Variants in SEPTIN2 observed in about 807,000 individuals in gnomAD.
SEPTIN2 encodes septin-2.
SEPTIN2 carries 34 observed loss-of-function variants against 46.5 expected under a neutral mutation model. The observed-to-expected ratio is 0.73, with a 90% CI of 0.56 to 0.97. The LOEUF (loss-of-function observed/expected upper bound fraction) is 0.97, where lower values mean the gene tolerates loss of function less well. SEPTIN2 is among the 50% of genes least tolerant of loss of function. SEPTIN2 has a pLI of 0.00. For synonymous variants in SEPTIN2, 175 were observed against 153.4 expected (o/e 1.14, Z -1.04); for missense variants, 347 against 448.4 (o/e 0.77, Z 2.04).
chr2:241,315,587 G>C (rs2076047756), upstream of SEPTIN2: 1 of 152,218 alleles, frequency 6.6e-6, no homozygotes, highest in South Asian at 2.1e-4. Context: ...ACTCTTATAA[G>C]CATAAGAAAA....
At chr2:241,324,182 G>A (rs377300797) in intron 1 of SEPTIN2, 34 bp from the exon 2 acceptor site, 90 of 1,603,380 alleles carry the variant, frequency 5.6e-5, no homozygotes, top group Middle Eastern at 1.7e-4. Context: ...ATGTATGTGC[G>A]TTTATGTGTG....
intron 9 of SEPTIN2, 34 bp from the exon 10 acceptor site, chr2:241,346,129 CATG>C (rs1284448279): frequency 6.7e-7 from 1 of 1,496,250 alleles, no homozygotes; most frequent in Non-Finnish European, 9.3e-7. Context: ...ATGTCATGTG[CATG>C]ATGCCACCTT....
At chr2:241,322,052 G>T (rs2077205735) in intron 1 of SEPTIN2, among the ~76,000 whole-genome samples, 1 of 152,156 alleles carries the variant, frequency 6.6e-6, no homozygotes, top group Non-Finnish European at 1.5e-5. Context: ...TAACACTGGG[G>T]ATGCAGGGAT....
intron 3 of SEPTIN2, among the ~76,000 whole-genome samples, chr2:241,331,891 A>G (rs1207945353): frequency 2.0e-5 from 3 of 152,248 alleles, no homozygotes; most frequent in Non-Finnish European, 4.4e-5. Context: ...GCAACAGCCA[A>G]GAAGTAGACC....
intron 8 of SEPTIN2, among the ~76,000 whole-genome samples, chr2:241,343,393 G>A (rs1487455211): frequency 6.6e-6 from 1 of 151,994 alleles, no homozygotes; most frequent in African/African-American, 2.4e-5. Context: ...CAGCCACTCG[G>A]GAGGCTAAGG....
intron 4 of SEPTIN2, chr2:241,335,642 A>T: frequency 1.7e-6 from 1 of 574,382 alleles, no homozygotes; most frequent in Non-Finnish European, 3.1e-6. Flanking sequence ...GTGAGAGCCT[A>T]AGACTTGGGC....
At chr2:241,316,361 A>G in intron 1 of SEPTIN2, 1 of 771,474 alleles carries the variant, frequency 1.3e-6, no homozygotes, top group South Asian at 2.1e-5. Flanking sequence ...TTTAGGCCCG[A>G]CAAACACTTA....
At chr2:241,343,606 T>C (rs2081558592) in intron 8 of SEPTIN2, 146 bp from the exon 9 acceptor site, 7 of 843,802 alleles carry the variant, frequency 8.3e-6, no homozygotes, top group Non-Finnish European at 1.3e-5. Flanking sequence ...CTGACACTTT[T>C]CAAGAAAATG....
chr2:241,330,572 C>G (rs1374558735), intron 3 of SEPTIN2, among the ~76,000 whole-genome samples: 1 of 152,128 alleles, frequency 6.6e-6, no homozygotes, highest in Non-Finnish European at 1.5e-5. Flanking sequence ...GGGAATATCC[C>G]CAAGTGGTTT....
At chr2:241,341,603 G>T (rs2081267730) in intron 7 of SEPTIN2, among the ~76,000 whole-genome samples, 1 of 152,204 alleles carries the variant, frequency 6.6e-6, no homozygotes, top group African/African-American at 2.4e-5. Flanking sequence ...AAGGATTTAT[G>T]AAAAGACTGA....
At chr2:241,325,908 A>G (rs532340343) in intron 2 of SEPTIN2, 85 bp from the exon 3 acceptor site, 11 of 1,319,320 alleles carry the variant, frequency 8.3e-6, no homozygotes, top group East Asian at 2.4e-5. Context: ...CTGATAACCT[A>G]TGTTTGTTTC....
chr2:241,336,450 G>A (rs1375219812), intron 5 of SEPTIN2: 2 of 223,590 alleles, frequency 8.9e-6, no homozygotes, highest in Non-Finnish European at 1.8e-5. Flanking sequence ...CGTAGTGTCT[G>A]TAAATGACTG....
rs1382057946 is a variant in SEPTIN2, at chr2:241,337,524, A to G, written c.476+8A>G. ...TTCACCTTTTGGACATGGGTAAGTA[A>G]TTGTTTATCGTGGAGAAATGCTTTA... On this transcript the variant is annotated splice_region_variant and intron_variant, in intron 6 of 12. Coordinates refer to ENST00000391971, the MANE Select transcript of SEPTIN2 (RefSeq NM_004404.5). 6.2e-7 allele frequency: 1 copy of G among 1,613,214 alleles called. No individual in the cohort carries two copies. Among genetic ancestry groups the G allele is most frequent in the East Asian group, 2.2e-5 (1 of 44,850 alleles).
At chr2:241,338,720 T>C (rs1559642197) in intron 7 of SEPTIN2, among the ~76,000 whole-genome samples, 2 of 110,042 alleles carry the variant, frequency 1.8e-5, no homozygotes, top group African/African-American at 3.5e-5. Context: ...ATTTATATAA[T>C]ATATTATATA....
intron 10 of SEPTIN2, among the ~76,000 whole-genome samples, chr2:241,347,231 G>A (rs1163163458): frequency 6.6e-6 from 1 of 152,052 alleles, no homozygotes; most frequent in Non-Finnish European, 1.5e-5. Flanking sequence ...GGGCAACAGA[G>A]TGAGACCCTG....
Position 241,350,021 on chromosome 2 carries a change from T to C in SEPTIN2, c.985-52T>C, listed in dbSNP as rs113935819. On this transcript the variant is annotated intron_variant, in intron 11 of 12. Coordinates refer to ENST00000391971, the MANE Select transcript of SEPTIN2 (RefSeq NM_004404.5). ...GGAATCACAGAACACCCAGAAATAA[T>C]GTTCAAAGACAGCAAACCTTGAAAA... 12 of 1,555,214 alleles carry C rather than the reference T, an allele frequency of 7.7e-6. No homozygotes were observed. In the African/African-American group the frequency reaches 1.4e-4, roughly 18 times the overall value.
chr2:241,325,016 C>CA (rs1251221170), intron 2 of SEPTIN2: 2 of 150,164 alleles, frequency 1.3e-5, no homozygotes, highest in Non-Finnish European at 1.5e-5. Flanking sequence ...CTGTCCAATG[C>CA]AAAATCATCA....
intron 3 of SEPTIN2, among the ~76,000 whole-genome samples, chr2:241,330,301 C>T (rs760945310): frequency 2.0e-5 from 3 of 152,114 alleles, no homozygotes; most frequent in Non-Finnish European, 2.9e-5. Flanking sequence ...CCTTCATCAG[C>T]GACACAATGG....
At chr2:241,334,621 G>C (rs2079596227) in intron 3 of SEPTIN2, among the ~76,000 whole-genome samples, 1 of 152,200 alleles carries the variant, frequency 6.6e-6, no homozygotes, top group African/African-American at 2.4e-5. Flanking sequence ...GTTGCAGAGT[G>C]AGGGTGTGCA....
Sources: gnomAD v4.1 joint callset for allele counts (sites outside exome capture counted in the v4.1 genomes callset) on GRCh38, gnomAD v4.1.1 for gene constraint, MANE v1.5 for transcripts, NCBI Gene and HGNC (gene_info 2026-07-23, HGNC 2026-07-21) for gene names.